SKAP2: variants seen among roughly 807,000 people sequenced by gnomAD.
SKAP2 encodes the protein src kinase-associated phosphoprotein 2.
In SKAP2, 28 loss-of-function variants were observed where a neutral mutation model predicts 54.9. The ratio of observed to expected loss-of-function variants is 0.51; its 90% CI spans 0.38 to 0.70. SKAP2 has a LOEUF of 0.70. Among genes scored for constraint, SKAP2 ranks in the 30% least tolerant of loss-of-function variants. The pLI is 0.00. For synonymous variants in SKAP2, 137 were observed against 134.3 expected, an observed-to-expected ratio of 1.02 and a Z score of -0.14; for missense variants, 356 against 424.1, an observed-to-expected ratio of 0.84 and a Z score of 1.41.
chr7:26,783,488 T>C (rs1278725064), intron 4 of SKAP2, among the ~76,000 whole-genome samples: 1 of 151,970 alleles, frequency 6.6e-6, no homozygotes, highest in African/African-American at 2.4e-5. Context: ...CAACATTAAT[T>C]GACCCACTCT....
chr7:26,790,789 C>G (rs947463031), intron 4 of SKAP2, among the ~76,000 whole-genome samples: 1 of 152,080 alleles, frequency 6.6e-6, no homozygotes, highest in Non-Finnish European at 1.5e-5. Context: ...CAAAACAATG[C>G]TAATCCAAAC....
intron 3 of SKAP2, 85 bp downstream of exon 3, chr7:26,854,052 C>G (rs1414742567): frequency 2.3e-6 from 2 of 860,302 alleles, no homozygotes; most frequent in Non-Finnish European, 3.7e-6. Flanking sequence ...TTCCAACTAT[C>G]AAATTTCAGT....
At chr7:26,724,749 A>T (rs1349213917) in intron 9 of SKAP2, among the ~76,000 whole-genome samples, 1 of 152,110 alleles carries the variant, frequency 6.6e-6, no homozygotes, top group Non-Finnish European at 1.5e-5. Flanking sequence ...TAAATTTCAG[A>T]TGTCTTTTTA....
intron 11 of SKAP2, among the ~76,000 whole-genome samples, chr7:26,681,832 T>C (rs1786508985): frequency 6.6e-6 from 1 of 152,238 alleles, no homozygotes; most frequent in Non-Finnish European, 1.5e-5. Context: ...ACAATTTCTA[T>C]ATTTAATTCA....
chr7:26,735,163 G>C (rs1375066615), intron 6 of SKAP2, among the ~76,000 whole-genome samples: 2 of 152,144 alleles, frequency 1.3e-5, no homozygotes, highest in African/African-American at 2.4e-5. Flanking sequence ...CACCTCTAAG[G>C]ATCTTTGGAT....
At chr7:26,828,010 T>A (rs1298705397) in intron 4 of SKAP2, among the ~76,000 whole-genome samples, 1 of 152,078 alleles carries the variant, frequency 6.6e-6, no homozygotes, top group Non-Finnish European at 1.5e-5. Context: ...AGAGAAGAGA[T>A]CAATTCAAAT....
intron 4 of SKAP2, among the ~76,000 whole-genome samples, chr7:26,833,397 C>CAAAAA (rs1218013639): frequency 1.2e-5 from 1 of 85,126 alleles, no homozygotes; most frequent in Non-Finnish European, 2.3e-5. Context: ...GACTCCGTCT[C>CAAAAA]AAAAAAAAAA....
intron 6 of SKAP2, among the ~76,000 whole-genome samples, chr7:26,728,322 A>C (rs778199346): frequency 1.1e-4 from 16 of 152,200 alleles, no homozygotes; most frequent in Non-Finnish European, 1.9e-4. Context: ...ACAAGAGTTA[A>C]GCAGTTTTGT....
At chr7:26,665,964 T>C (rs1339340455), downstream of SKAP2, among the ~76,000 whole-genome samples, 2 of 151,016 alleles carry the variant, frequency 1.3e-5, no homozygotes, top group African/African-American at 2.5e-5. Flanking sequence ...ATTCATCAAA[T>C]GTTTTTATTT....
At chr7:26,786,975 A>G (rs1402052661) in intron 4 of SKAP2, among the ~76,000 whole-genome samples, 1 of 152,188 alleles carries the variant, frequency 6.6e-6, no homozygotes, top group Non-Finnish European at 1.5e-5. Context: ...ATTTGAACAC[A>G]TTATATATCC....
intron 3 of SKAP2, among the ~76,000 whole-genome samples, chr7:26,851,588 G>A (rs1269952530): frequency 6.6e-6 from 1 of 152,022 alleles, no homozygotes; most frequent in Admixed American, 6.6e-5. Flanking sequence ...GGTGGGGAGG[G>A]ATAGCATTAG....
At chr7:26,718,558 T>C (rs1787510864) in intron 9 of SKAP2, among the ~76,000 whole-genome samples, 1 of 152,082 alleles carries the variant, frequency 6.6e-6, no homozygotes, top group South Asian at 2.1e-4. Context: ...GTCACCAGGC[T>C]GGAGTGCAGT....
chr7:26,841,374 C>T (rs1784813408), intron 4 of SKAP2, among the ~76,000 whole-genome samples: 1 of 151,810 alleles, frequency 6.6e-6, no homozygotes, highest in African/African-American at 2.4e-5. Flanking sequence ...CTGAAAACAA[C>T]GTACCTGGCA....
the SKAP2 span, among the ~76,000 whole-genome samples, chr7:26,656,737 G>C: frequency 1.3e-5 from 2 of 152,120 alleles, no homozygotes; most frequent in African/African-American, 4.8e-5. Flanking sequence ...ACTGCTTTTT[G>C]AAAGAGTGGA....
intron 1 of SKAP2, chr7:26,857,531 G>A: frequency 2.0e-6 from 2 of 985,378 alleles, no homozygotes; most frequent in Non-Finnish European, 2.4e-6. Flanking sequence ...TTCGGCCGGT[G>A]TCTGAGCAAC....
At chr7:26,718,488 T>A (rs1316800907) in intron 9 of SKAP2, among the ~76,000 whole-genome samples, 1 of 151,676 alleles carries the variant, frequency 6.6e-6, no homozygotes, top group Admixed American at 6.6e-5. Context: ...TCCACTTTTT[T>A]ATTTTATTTT....
chr7:26,801,497 G>A (rs113958640), intron 4 of SKAP2, among the ~76,000 whole-genome samples: 177 of 152,276 alleles, frequency 1.2e-3, no homozygotes, highest in Admixed American at 3.5e-3. Context: ...AGTACTGGAA[G>A]TCCTAGCTAG....
At chr7:26,825,822 T>A (rs182071233) in intron 4 of SKAP2, among the ~76,000 whole-genome samples, 1 of 152,186 alleles carries the variant, frequency 6.6e-6, no homozygotes, top group African/African-American at 2.4e-5. Flanking sequence ...TCTAATGAAC[T>A]TGAAATATCC....
At chr7:26,735,381 CT>C (rs1443302045) in intron 6 of SKAP2, among the ~76,000 whole-genome samples, 1 of 152,098 alleles carries the variant, frequency 6.6e-6, no homozygotes, top group South Asian at 2.1e-4. Flanking sequence ...AAAATACATA[CT>C]ATATGTATTT....
Sources: gnomAD v4.1 joint callset for allele counts (sites outside exome capture counted in the v4.1 genomes callset) on GRCh38, gnomAD v4.1.1 for gene constraint, MANE v1.5 for transcripts, NCBI Gene and HGNC (gene_info 2026-07-23, HGNC 2026-07-21) for gene names.